ATRNL1: variants seen among roughly 807,000 people sequenced by gnomAD.
ATRNL1 encodes the protein attractin-like protein 1.
Under a neutral mutation model 182.7 loss-of-function variants are expected in ATRNL1, and 95 were observed. The observed-to-expected ratio is 0.52, with a 90% CI of 0.44 to 0.62. ATRNL1 has a LOEUF of 0.62. Ranked by LOEUF, ATRNL1 falls within the 20% of genes least tolerant of loss-of-function variation. ATRNL1 has a pLI of 0.00. For synonymous variants in ATRNL1, 576 were observed against 568.3 expected, an observed-to-expected ratio of 1.01 and a Z score of -0.19; for missense variants, 1,471 against 1,679.5, an observed-to-expected ratio of 0.88 and a Z score of 2.17.
At chr10:115,822,612 G>T (rs1449980191) in intron 27 of ATRNL1, among the ~76,000 whole-genome samples, 1 of 151,832 alleles carries the variant, frequency 6.6e-6, no homozygotes, top group Admixed American at 6.6e-5. Context: ...ACCACTGATC[G>T]CACAGAAATA....
chr10:115,623,744 AAG>A (rs1374296425), intron 26 of ATRNL1, among the ~76,000 whole-genome samples: 1 of 152,170 alleles, frequency 6.6e-6, no homozygotes, highest in Non-Finnish European at 1.5e-5. Context: ...AAATAGATGA[AAG>A]AGAAGGTATA....
chr10:115,252,755 C>A (rs1229455969), intron 10 of ATRNL1, among the ~76,000 whole-genome samples: 1 of 152,132 alleles, frequency 6.6e-6, no homozygotes, highest in Admixed American at 6.6e-5. Flanking sequence ...GCTTTATCAG[C>A]CTTTCATTAT....
chr10:115,499,636 A>T (rs1375421796), intron 24 of ATRNL1, among the ~76,000 whole-genome samples: 1 of 152,222 alleles, frequency 6.6e-6, no homozygotes, highest in Non-Finnish European at 1.5e-5. Flanking sequence ...CTGGAAGCAA[A>T]GATGGGAAGA....
At chr10:115,639,649 T>C (rs1455763220) in intron 26 of ATRNL1, among the ~76,000 whole-genome samples, 1 of 152,162 alleles carries the variant, frequency 6.6e-6, no homozygotes, top group Admixed American at 6.5e-5. Context: ...TATATGTATG[T>C]AGCAGTACAC....
intron 20 of ATRNL1, among the ~76,000 whole-genome samples, chr10:115,412,558 C>T (rs564690758): frequency 9.9e-5 from 15 of 152,264 alleles, no homozygotes; most frequent in African/African-American, 3.1e-4. Flanking sequence ...AATATTATAT[C>T]CAAGTACTCT....
At chr10:115,268,152 T>C (rs1291147823) in intron 12 of ATRNL1, among the ~76,000 whole-genome samples, 174 bp from the exon 13 acceptor site, 3 of 152,156 alleles carry the variant, frequency 2.0e-5, no homozygotes, top group Admixed American at 6.6e-5. Context: ...GTAAACACAA[T>C]TGAACTACAA....
At chr10:115,165,680 T>A in intron 7 of ATRNL1, 35 bp downstream of exon 7, 1 of 1,307,538 alleles carries the variant, frequency 7.6e-7, no homozygotes, top group East Asian at 2.4e-5. Context: ...TAATCAGATT[T>A]TGTTTTTGAT....
intron 26 of ATRNL1, among the ~76,000 whole-genome samples, chr10:115,559,446 G>GCGCGCA (rs1853549037): frequency 2.4e-5 from 3 of 123,086 alleles, no homozygotes; most frequent in East Asian, 2.1e-4. Context: ...GTGTGTGTGC[G>GCGCGCA]CGCGCGCACG....
At chr10:115,158,375 T>G (rs1244719029) in intron 5 of ATRNL1, among the ~76,000 whole-genome samples, 1 of 152,008 alleles carries the variant, frequency 6.6e-6, no homozygotes, top group Non-Finnish European at 1.5e-5. Context: ...TAGACAATAC[T>G]TAACTGAATG....
intron 27 of ATRNL1, among the ~76,000 whole-genome samples, chr10:115,735,939 T>C (rs2134083318): frequency 6.6e-6 from 1 of 152,340 alleles, no homozygotes; most frequent in East Asian, 1.9e-4. Flanking sequence ...TTGTCACTCC[T>C]TTATAGAGAA....
At chr10:115,599,428 G>A (rs1176821428) in intron 26 of ATRNL1, among the ~76,000 whole-genome samples, 1 of 152,112 alleles carries the variant, frequency 6.6e-6, no homozygotes, top group Admixed American at 6.5e-5. Context: ...TTACAGAAAT[G>A]CTGTATTTGT....
At chr10:115,402,418 GA>G (rs1227531286) in intron 20 of ATRNL1, among the ~76,000 whole-genome samples, 29 of 152,204 alleles carry the variant, frequency 1.9e-4, no homozygotes, top group African/African-American at 7.0e-4. Flanking sequence ...TGGAAATAAT[GA>G]ATTGTTACTC....
chr10:115,144,762 C>T (rs1308975093), intron 5 of ATRNL1, among the ~76,000 whole-genome samples: 4 of 152,106 alleles, frequency 2.6e-5, no homozygotes, highest in Non-Finnish European at 5.9e-5. Context: ...GGGATGATAA[C>T]TTGATCAAAG....
chr10:115,438,997 CAT>C (rs1470986463), intron 21 of ATRNL1, among the ~76,000 whole-genome samples: 1 of 151,768 alleles, frequency 6.6e-6, no homozygotes. Context: ...TTACCAATAA[CAT>C]AAACAGTTGA....
chr10:115,823,605 A>C (rs1950354740), intron 27 of ATRNL1, among the ~76,000 whole-genome samples: 1 of 152,210 alleles, frequency 6.6e-6, no homozygotes, highest in Admixed American at 6.5e-5. Flanking sequence ...TAAATGTACA[A>C]AACTCACAAG....
At chr10:115,458,101 T>G (rs1847616526) in intron 21 of ATRNL1, among the ~76,000 whole-genome samples, 2 of 152,158 alleles carry the variant, frequency 1.3e-5, no homozygotes, top group Admixed American at 1.3e-4. Context: ...GTTATGTACA[T>G]TTATGGATAA....
At chr10:115,321,827 A>G (rs1298043737) in intron 18 of ATRNL1, among the ~76,000 whole-genome samples, 4 of 152,100 alleles carry the variant, frequency 2.6e-5, no homozygotes, top group South Asian at 4.1e-4. Context: ...GTCAAATTGT[A>G]CCTGTTTGCA....
chr10:115,334,190 A>G (rs1369957095), intron 18 of ATRNL1, 92 bp from the exon 19 acceptor site: 13 of 862,266 alleles, frequency 1.5e-5, no homozygotes, highest in Middle Eastern at 2.8e-4. Flanking sequence ...CACTTTTACA[A>G]TCCAGCTTTT....
chr10:115,335,136 T>C (rs1458947066), intron 19 of ATRNL1, among the ~76,000 whole-genome samples: 1 of 152,234 alleles, frequency 6.6e-6, no homozygotes, highest in Admixed American at 6.5e-5. Flanking sequence ...GCCACTTCTT[T>C]CTCCTACTTT....
Sources: gnomAD v4.1 joint callset for allele counts (sites outside exome capture counted in the v4.1 genomes callset) on GRCh38, gnomAD v4.1.1 for gene constraint, MANE v1.5 for transcripts, NCBI Gene and HGNC (gene_info 2026-07-23, HGNC 2026-07-21) for gene names.